The following ITGAV variants were observed in gnomAD, a reference collection of about 807,000 sequenced individuals.
ITGAV encodes the protein integrin alpha-V.
A neutral mutation model predicts 143.8 loss-of-function variants in ITGAV; 76 were observed. The ratio of observed to expected loss-of-function variants is 0.53; its 90% confidence interval spans 0.44 to 0.64. ITGAV has a LOEUF of 0.64. ITGAV is among the 30% of genes least tolerant of loss of function. The pLI is 0.00. For missense variants in ITGAV, 1,193 were observed against 1,274.7 expected, an observed-to-expected ratio of 0.94 and a Z score of 0.98; for synonymous variants, 453 against 446.7, an observed-to-expected ratio of 1.01 and a Z score of -0.18.
chr2:186,670,607 A>G lies in ITGAV; in HGVS notation c.2706+793A>G, dbSNP rs547651656. ...TGAACCACCATGCCCAGCACTGTTTATGTTCAATAGTGATCACTAGTTACT... is the reference window on the plus strand; with the variant it reads ...TGAACCACCATGCCCAGCACTGTTTGTGTTCAATAGTGATCACTAGTTACT... On this transcript the variant is annotated intron_variant, in intron 26 of 29. Coordinates refer to ENST00000261023, the MANE Select transcript of ITGAV (RefSeq NM_002210.5). Among the ~76,000 whole-genome samples the G allele has an allele frequency of 1.8e-3, 268 of 152,248 alleles. 1 individual carries two copies. The highest frequency in any genetic ancestry group is 6.0e-3 in the African/African-American group (250 of 41,552).
At chr2:186,668,214 A>AT (rs1688964663) in intron 24 of ITGAV, among the ~76,000 whole-genome samples, 1 of 7,436 alleles carries the variant, frequency 1.3e-4, no homozygotes, top group African/African-American at 4.3e-4. Flanking sequence ...ATATATATAT[A>AT]TATTTTTTTT....
At chr2:186,637,236 C>CT (rs1325940377) in intron 8 of ITGAV, 127 bp downstream of exon 8, 2 of 734,048 alleles carry the variant, frequency 2.7e-6, no homozygotes, top group Non-Finnish European at 4.8e-6. Flanking sequence ...AATCTCAGCA[C>CT]TTTGGGAGGC....
At position 186,602,122 on chromosome 2, in the gene ITGAV, G is replaced by A. The variant is rs201909609; in HGVS notation, c.287G>A (p.Arg96Gln). 52 of 1,611,688 alleles carry A rather than the reference G, an allele frequency of 3.2e-5. No homozygotes were observed. The East Asian group carries it at 6.3e-4, about 19-fold the overall frequency. ...VLKCDWSSTR[R>Q]CQPIEFDATG... ...AAATGTGACTGGTCTTCTACCCGCC[G>A]GTGCCAGCCAATTGAATTTGATGCA... Residue 96 changes from arginine (R) to glutamine (Q), a missense_variant, in exon 2 of 30, where the codon CGG becomes CAG. Arg to Gln is a conservative substitution (Grantham distance 43). Transcript: ENST00000261023.
intron 1 of ITGAV, among the ~76,000 whole-genome samples, chr2:186,601,203 A>C (rs1686893415): frequency 1.3e-5 from 2 of 152,162 alleles, no homozygotes; most frequent in Admixed American, 1.3e-4. Context: ...AGAATTGATT[A>C]GATTAATCTT....
At chr2:186,657,314 C>T (rs1342295648) in intron 17 of ITGAV, among the ~76,000 whole-genome samples, 2 of 152,108 alleles carry the variant, frequency 1.3e-5, no homozygotes, top group Non-Finnish European at 2.9e-5. Flanking sequence ...TTATATAGAA[C>T]CTACACCTAA....
chr2:186,664,443 T>A (rs765281626), intron 19 of ITGAV, 51 bp from the exon 20 acceptor site: 47 of 1,555,554 alleles, frequency 3.0e-5, no homozygotes, highest in Non-Finnish European at 4.0e-5. Flanking sequence ...AGTCATACTT[T>A]CCCCATGTAG....
intron 13 of ITGAV, among the ~76,000 whole-genome samples, chr2:186,648,787 C>A (rs116557250): frequency 1.5e-4 from 23 of 151,916 alleles, no homozygotes; most frequent in Admixed American, 1.2e-3. Flanking sequence ...GCCACCACAC[C>A]CGGCCATCAG....
At chr2:186,662,975 G>A (rs1688788458) in intron 18 of ITGAV, among the ~76,000 whole-genome samples, 1 of 151,972 alleles carries the variant, frequency 6.6e-6, no homozygotes, top group African/African-American at 2.4e-5. Context: ...AAGCAAAAAT[G>A]GCCTCATCTT....
chr2:186,624,511 G>C (rs1437471329), intron 3 of ITGAV, among the ~76,000 whole-genome samples: 5 of 152,162 alleles, frequency 3.3e-5, no homozygotes, highest in Admixed American at 3.3e-4. Context: ...AGTACGTGTA[G>C]AGAAGTAGCT....
At chr2:186,591,916 C>T (rs1686626118) in intron 1 of ITGAV, among the ~76,000 whole-genome samples, 1 of 152,214 alleles carries the variant, frequency 6.6e-6, no homozygotes, top group African/African-American at 2.4e-5. Flanking sequence ...ACCAATTTCA[C>T]ATTCCATTTA....
chr2:186,666,695 C>A lies in ITGAV; in HGVS notation c.2167-9C>A. The A allele has an allele frequency of 6.7e-7, 1 of 1,493,084 alleles. No individual in the cohort carries two copies. The highest frequency in any genetic ancestry group is 1.4e-5 in the South Asian group (1 of 70,674). 92.5% of individuals were successfully genotyped at this position (1,493,084 alleles called of 1,614,324 possible). A position where few individuals can be genotyped will look rare whatever the true frequency, so the allele number is the denominator to read the frequency against. ...GACTAGCATTACTATCTTTTCCTCT[C>A]TCCTTTAGCTCTTAGCTGGTCTTCG... On this transcript the variant is annotated splice_polypyrimidine_tract_variant and intron_variant, in intron 21 of 29. Coordinates refer to ENST00000261023, the MANE Select transcript of ITGAV (RefSeq NM_002210.5).
chr2:186,652,607 A>G (rs1688467279), intron 15 of ITGAV, among the ~76,000 whole-genome samples: 1 of 152,234 alleles, frequency 6.6e-6, no homozygotes, highest in Non-Finnish European at 1.5e-5. Flanking sequence ...TTAAAGAATT[A>G]TGCGTGGTCA....
intron 23 of ITGAV, among the ~76,000 whole-genome samples, chr2:186,667,450 A>G (rs1688931722): frequency 6.6e-6 from 1 of 152,144 alleles, no homozygotes; most frequent in African/African-American, 2.4e-5. Context: ...GCACAAAATA[A>G]TTTTGTTGAA....
At chr2:186,667,110 A>G in intron 22 of ITGAV, 40 bp from the exon 23 acceptor site, 2 of 1,487,518 alleles carry the variant, frequency 1.3e-6, no homozygotes, top group African/African-American at 1.4e-5. Flanking sequence ...CTTGGTTGTT[A>G]TGCATAATTC....
chr2:186,635,435 G>T (rs1054332553), intron 6 of ITGAV, among the ~76,000 whole-genome samples: 13 of 152,196 alleles, frequency 8.5e-5, no homozygotes, highest in Non-Finnish European at 8.8e-5. Context: ...TCCAGTCTCT[G>T]TGACTGAACA....
chr2:186,649,130 C>T (rs2105722945), intron 13 of ITGAV, among the ~76,000 whole-genome samples: 1 of 149,592 alleles, frequency 6.7e-6, no homozygotes, highest in East Asian at 2.0e-4. Context: ...TTCTTTCATT[C>T]ATTCATTTTT....
intron 1 of ITGAV, among the ~76,000 whole-genome samples, chr2:186,597,540 G>A (rs797015220): frequency 6.6e-5 from 10 of 152,148 alleles, no homozygotes; most frequent in South Asian, 2.1e-4. Flanking sequence ...ATGAATTAGA[G>A]TACCCTACAT....
intron 12 of ITGAV, among the ~76,000 whole-genome samples, chr2:186,643,931 G>A (rs1039186752): frequency 2.6e-5 from 4 of 152,146 alleles, no homozygotes; most frequent in Non-Finnish European, 5.9e-5. Flanking sequence ...GCAAAATTAT[G>A]TTTTAATGAA....
intron 12 of ITGAV, 70 bp from the exon 13 acceptor site, chr2:186,646,616 A>C: frequency 1.7e-6 from 2 of 1,191,388 alleles, no homozygotes; most frequent in South Asian, 1.6e-5. Flanking sequence ...TTCCTTCCTC[A>C]TTCTTCCCTT....
Sources: gnomAD v4.1 joint callset for allele counts (sites outside exome capture counted in the v4.1 genomes callset) on GRCh38, gnomAD v4.1.1 for gene constraint, MANE v1.5 for transcripts, NCBI Gene and HGNC (gene_info 2026-07-23, HGNC 2026-07-21) for gene names.